Variants in ARHGAP6 observed in about 807,000 individuals in gnomAD.
ARHGAP6 encodes the protein rho GTPase-activating protein 6.
A neutral mutation model predicts 55.7 loss-of-function variants in ARHGAP6; 16 were observed. The observed-to-expected ratio is 0.29, with a 90% CI of 0.19 to 0.44. The LOEUF (loss-of-function observed/expected upper bound fraction) is 0.44, where lower values mean the gene tolerates loss of function less well. Ranked by LOEUF, ARHGAP6 falls within the 20% of genes least tolerant of loss-of-function variation. The probability of loss-of-function intolerance (pLI) is 1.00; values close to 1 mark genes in which losing one functional copy is unlikely to be tolerated. For missense variants in ARHGAP6, 698 were observed against 808.9 expected (o/e 0.86, Z 1.66); for synonymous variants, 382 against 360.9 (o/e 1.06, Z -0.66).
intron 1 of ARHGAP6, among the ~76,000 whole-genome samples, chrX:11,644,098 T>G (rs2052503454): frequency 9.0e-6 from 1 of 111,602 alleles, no homozygotes; most frequent in Non-Finnish European, 1.9e-5. Flanking sequence ...AATTCAATGT[T>G]GTACTTTAGG....
intron 1 of ARHGAP6, among the ~76,000 whole-genome samples, chrX:11,549,650 C>T: frequency 8.9e-6 from 1 of 112,011 alleles, no homozygotes; most frequent in East Asian, 2.8e-4. Flanking sequence ...TTCTCAGAAG[C>T]TTTCAAGGAT....
At chrX:11,219,644 G>A (rs1473671767) in intron 2 of ARHGAP6, among the ~76,000 whole-genome samples, 6 of 91,280 alleles carry the variant, frequency 6.6e-5, no homozygotes, top group Admixed American at 1.2e-4. Flanking sequence ...GCCAGTGATG[G>A]TGAGCATTTT....
At chrX:11,532,137 G>T (rs1337183184) in intron 1 of ARHGAP6, among the ~76,000 whole-genome samples, 2 of 111,917 alleles carry the variant, frequency 1.8e-5, no homozygotes. Context: ...ACAGTTCATG[G>T]TATTTCTTTA....
chrX:11,575,306 A>G (rs2051583175), intron 1 of ARHGAP6, among the ~76,000 whole-genome samples: 1 of 111,960 alleles, frequency 8.9e-6, no homozygotes, highest in Non-Finnish European at 1.9e-5. Flanking sequence ...CCTAATTCCA[A>G]TGCAAACGAA....
At chrX:11,648,199 CAGAGT>C (rs1451579893) in intron 1 of ARHGAP6, among the ~76,000 whole-genome samples, 1 of 111,005 alleles carries the variant, frequency 9.0e-6, no homozygotes, top group Non-Finnish European at 1.9e-5. Context: ...CAGTGGTAGA[CAGAGT>C]AATTACCCTG....
rs912721687 is a variant in ARHGAP6, at chrX:11,479,492, C to G, written c.588+184749G>C. Among the ~76,000 whole-genome samples the G allele has an allele frequency of 2.7e-5, 3 of 111,721 alleles. No individual in the cohort carries two copies. The Admixed American group carries it at 2.8e-4, about 11-fold the overall frequency. On this transcript the variant is annotated intron_variant, in intron 1 of 12. Coordinates refer to ENST00000337414, the MANE Select transcript of ARHGAP6 (RefSeq NM_013427.3). Reference sequence around the variant, plus strand: ...GTGACATTCTGATTACAGGCTGGTACTCTATGGCAGATGGAATCTAGATAT... The same window carrying G: ...GTGACATTCTGATTACAGGCTGGTAGTCTATGGCAGATGGAATCTAGATAT...
At chrX:11,308,616 G>T (rs2048262275) in intron 1 of ARHGAP6, among the ~76,000 whole-genome samples, 2 of 111,482 alleles carry the variant, frequency 1.8e-5, no homozygotes. Flanking sequence ...AGTACCCAAT[G>T]ATTGAGACCC....
intron 1 of ARHGAP6, among the ~76,000 whole-genome samples, chrX:11,403,027 G>A (rs914495117): frequency 5.7e-4 from 64 of 112,182 alleles, no homozygotes; most frequent in African/African-American, 1.9e-3. Flanking sequence ...AATAGTTTGC[G>A]TTGGCTGCTC....
At chrX:11,458,272 C>T (rs1016028642) in intron 1 of ARHGAP6, among the ~76,000 whole-genome samples, 1 of 112,420 alleles carries the variant, frequency 8.9e-6, no homozygotes. Context: ...AGTAAGGCTG[C>T]GGGCCAGGGA....
intron 1 of ARHGAP6, among the ~76,000 whole-genome samples, chrX:11,518,297 C>T (rs887846971): frequency 9.1e-6 from 1 of 109,955 alleles, no homozygotes; most frequent in Non-Finnish European, 1.9e-5. Flanking sequence ...CATACCACCA[C>T]ACTTGGCTAT....
chrX:11,571,652 C>G (rs1408847994), intron 1 of ARHGAP6, among the ~76,000 whole-genome samples: 1 of 107,550 alleles, frequency 9.3e-6, no homozygotes, highest in Admixed American at 1.0e-4. Context: ...CAACACAGGA[C>G]AGTTTGACCC....
At chrX:11,238,341 G>A (rs2047230938) in intron 2 of ARHGAP6, among the ~76,000 whole-genome samples, 1 of 112,225 alleles carries the variant, frequency 8.9e-6, no homozygotes, top group South Asian at 3.7e-4. Context: ...ACAGATGGGG[G>A]AATAAGCCAA....
At chrX:11,176,633 G>A (rs2046230202) in intron 8 of ARHGAP6, among the ~76,000 whole-genome samples, 1 of 109,535 alleles carries the variant, frequency 9.1e-6, no homozygotes, top group African/African-American at 3.3e-5. Flanking sequence ...GAAGTAACTG[G>A]AGTACCTTTA....
At chrX:11,418,687 T>C (rs925967485) in intron 1 of ARHGAP6, among the ~76,000 whole-genome samples, 15 of 112,082 alleles carry the variant, frequency 1.3e-4, no homozygotes, top group African/African-American at 4.5e-4. Flanking sequence ...CTCTACTAAA[T>C]GCTTTAATAG....
chrX:11,343,456 G>T (rs2048731054), intron 1 of ARHGAP6, among the ~76,000 whole-genome samples: 1 of 112,144 alleles, frequency 8.9e-6, no homozygotes, highest in Admixed American at 9.4e-5. Context: ...TAAGTTATTT[G>T]TATACTATGA....
chrX:11,160,381 C>T (rs1361531466), intron 9 of ARHGAP6, among the ~76,000 whole-genome samples: 6 of 107,237 alleles, frequency 5.6e-5, no homozygotes, highest in Non-Finnish European at 9.6e-5. Context: ...GGCGTGAATC[C>T]GGGAGACGGA....
At chrX:11,521,237 C>T (rs1487331662) in intron 1 of ARHGAP6, among the ~76,000 whole-genome samples, 1 of 111,855 alleles carries the variant, frequency 8.9e-6, no homozygotes, top group Non-Finnish European at 1.9e-5. Flanking sequence ...CTTGCCCATG[C>T]CTATGTCCTG....
intron 1 of ARHGAP6, among the ~76,000 whole-genome samples, chrX:11,388,015 C>T (rs1472802637): frequency 3.5e-4 from 39 of 111,946 alleles, no homozygotes; most frequent in African/African-American, 4.2e-4. Flanking sequence ...AATAAACATA[C>T]GTGTGCATGT....
Position 11,188,941 on chromosome X carries a change from A to G in ARHGAP6, c.864T>C (p.Ile288=). 1 of 1,211,377 alleles carries G rather than the reference A, an allele frequency of 8.3e-7. No individual in the cohort carries two copies. The highest frequency in any genetic ancestry group is 1.1e-6 in the Non-Finnish European group (1 of 895,391). The change falls in exon 4 of 13, where the codon ATT becomes ATC. Residue 288 remains isoleucine, a synonymous_variant. Coordinates refer to ENST00000337414, the MANE Select transcript of ARHGAP6 (RefSeq NM_013427.3). ...TGAGTTTATAGGCCCTGTCATTCGCAATGACTTGGGATAAGGGCATTCCAA... is the reference window on the plus strand; with the variant it reads ...TGAGTTTATAGGCCCTGTCATTCGCGATGACTTGGGATAAGGGCATTCCAA... ...QAFGMPLSQV[I]ANDRAYKLKQ...
Sources: allele counts gnomAD v4.1 joint callset (sites outside exome capture counted in the v4.1 genomes callset), GRCh38; gene constraint gnomAD v4.1.1; transcripts MANE v1.5; gene names NCBI Gene and HGNC (gene_info 2026-07-23, HGNC 2026-07-21).